NCKAP5: variants seen among roughly 807,000 people sequenced by gnomAD.
NCKAP5 encodes NCK associated protein 5.
Under a neutral mutation model 167.0 loss-of-function variants are expected in NCKAP5, and 92 were observed. That is an observed-to-expected ratio of 0.55 (90% CI 0.47 to 0.66). NCKAP5 has a LOEUF of 0.66. Ranked by LOEUF, NCKAP5 falls within the 30% of genes least tolerant of loss-of-function variation. The pLI is 0.00. For synonymous variants in NCKAP5, 891 were observed against 877.4 expected (o/e 1.02, Z -0.27); for missense variants, 2,378 against 2,315.0 (o/e 1.03, Z -0.56).
intron 2 of NCKAP5, among the ~76,000 whole-genome samples, chr2:133,518,645 C>T (rs574499907): frequency 3.9e-5 from 6 of 152,112 alleles, no homozygotes; most frequent in South Asian, 2.1e-4. Context: ...TGAGCCACCG[C>T]GCCTGGCCCA....
intron 6 of NCKAP5, among the ~76,000 whole-genome samples, chr2:133,028,225 C>A (rs1348307891): frequency 1.3e-5 from 2 of 152,102 alleles, no homozygotes; most frequent in Non-Finnish European, 2.9e-5. Context: ...TAAGATATTT[C>A]AAGTACATGG....
the NCKAP5 span, among the ~76,000 whole-genome samples, chr2:133,624,748 G>A: frequency 2.6e-5 from 4 of 152,098 alleles, no homozygotes; most frequent in Non-Finnish European, 5.9e-5. Context: ...CCTAACAGCC[G>A]CTTTACAGAC....
chr2:133,120,915 T>C (rs2082230335), intron 6 of NCKAP5, among the ~76,000 whole-genome samples: 1 of 152,220 alleles, frequency 6.6e-6, no homozygotes, highest in Admixed American at 6.5e-5. Flanking sequence ...GCTGCATCTT[T>C]CTACTTTAGT....
chr2:133,155,875 G>T (rs555844616), intron 5 of NCKAP5, among the ~76,000 whole-genome samples: 124 of 152,310 alleles, frequency 8.1e-4, no homozygotes, highest in African/African-American at 2.9e-3. Context: ...GCAATCATGT[G>T]AGCCAAAATA....
chr2:132,877,504 CAG>C (rs1691375467), intron 9 of NCKAP5, among the ~76,000 whole-genome samples: 1 of 152,150 alleles, frequency 6.6e-6, no homozygotes, highest in African/African-American at 2.4e-5. Context: ...AGCCCTACCC[CAG>C]AGTCTCTGAT....
At chr2:133,495,114 C>T (rs1413908957) in intron 3 of NCKAP5, among the ~76,000 whole-genome samples, 1 of 152,176 alleles carries the variant, frequency 6.6e-6, no homozygotes, top group East Asian at 1.9e-4. Flanking sequence ...CACCTATGAT[C>T]TAAAAGCCTC....
rs181708950 is a variant in NCKAP5 at position 132,742,614 on chromosome 2, G to T, written c.5129-10563C>A. 2.0e-3 allele frequency among the ~76,000 whole-genome samples: 307 copies of T among 151,926 alleles called. 4 individuals carry two copies. The highest frequency in any genetic ancestry group is 2.4e-4 in the Non-Finnish European group (16 of 67,802). ...GATATTTAATCAAAGTCTTCAGAAA[G>T]ATAAGAATTTAAAGTTCAAAAATGT... On this transcript the variant is annotated intron_variant, in intron 16 of 19. Coordinates refer to ENST00000409261, the MANE Select transcript of NCKAP5 (RefSeq NM_207363.3).
At chr2:133,521,923 G>A (rs1684510721) in intron 2 of NCKAP5, among the ~76,000 whole-genome samples, 1 of 152,104 alleles carries the variant, frequency 6.6e-6, no homozygotes, top group African/African-American at 2.4e-5. Flanking sequence ...GAGTAGTGGG[G>A]CTTATGGTGG....
At chr2:133,545,553 C>T (rs1268394903) in intron 2 of NCKAP5, among the ~76,000 whole-genome samples, 2 of 152,092 alleles carry the variant, frequency 1.3e-5, no homozygotes, top group Admixed American at 1.3e-4. Context: ...GTGGGCTCTG[C>T]CATCCCACAA....
At chr2:133,502,561 T>C (rs1269506623) in intron 3 of NCKAP5, among the ~76,000 whole-genome samples, 1 of 152,196 alleles carries the variant, frequency 6.6e-6, no homozygotes, top group African/African-American at 2.4e-5. Flanking sequence ...TCTTCTACCC[T>C]CTTTCCTCTG....
At chr2:133,600,855 G>A in the NCKAP5 span, among the ~76,000 whole-genome samples, 1 of 152,198 alleles carries the variant, frequency 6.6e-6, no homozygotes, top group African/African-American at 2.4e-5. Context: ...ACTGATTTAG[G>A]CCTCCCTCAC....
At chr2:133,590,244 A>G in the NCKAP5 span, among the ~76,000 whole-genome samples, 7 of 151,936 alleles carry the variant, frequency 4.6e-5, no homozygotes, top group African/African-American at 1.7e-4. Flanking sequence ...TAATTCCAGC[A>G]CTTTGGGAGG....
chr2:133,330,989 C>T (rs750250184), intron 3 of NCKAP5, among the ~76,000 whole-genome samples: 1 of 152,156 alleles, frequency 6.6e-6, no homozygotes, highest in African/African-American at 2.4e-5. Flanking sequence ...CACACACTCC[C>T]ACTGTACCAT....
intron 6 of NCKAP5, among the ~76,000 whole-genome samples, chr2:133,111,975 T>C (rs1217717604): frequency 6.6e-6 from 1 of 151,966 alleles, no homozygotes; most frequent in Admixed American, 6.6e-5. Context: ...TCCAGGTAAA[T>C]TAAAAGAATA....
intron 8 of NCKAP5, among the ~76,000 whole-genome samples, chr2:132,901,037 G>A (rs1235153405): frequency 1.4e-5 from 2 of 147,836 alleles, no homozygotes; most frequent in South Asian, 4.3e-4. Flanking sequence ...ACTCAACCCA[G>A]AGTCTATTTT....
chr2:133,361,311 A>C (rs1681859657), intron 3 of NCKAP5, among the ~76,000 whole-genome samples: 1 of 152,188 alleles, frequency 6.6e-6, no homozygotes, highest in African/African-American at 2.4e-5. Flanking sequence ...CAATTTGGAG[A>C]GGAAGAAGAT....
intron 8 of NCKAP5, among the ~76,000 whole-genome samples, chr2:132,956,181 C>T (rs1430837776): frequency 1.3e-5 from 2 of 152,188 alleles, no homozygotes; most frequent in African/African-American, 4.8e-5. Flanking sequence ...TCAATCATAA[C>T]ATCACTCTGC....
At chr2:132,990,232 A>G (rs2077411300) in intron 7 of NCKAP5, among the ~76,000 whole-genome samples, 2 of 152,292 alleles carry the variant, frequency 1.3e-5, no homozygotes, top group South Asian at 4.1e-4. Context: ...TTCATGACAC[A>G]TTCCTTTGTG....
At chr2:132,951,131 C>T (rs997120262) in intron 8 of NCKAP5, among the ~76,000 whole-genome samples, 7 of 152,172 alleles carry the variant, frequency 4.6e-5, no homozygotes, top group East Asian at 3.9e-4. Context: ...AAACAAACCA[C>T]GGACACGTGT....
Sources: allele counts gnomAD v4.1 joint callset (sites outside exome capture counted in the v4.1 genomes callset), GRCh38; gene constraint gnomAD v4.1.1; transcripts MANE v1.5; gene names NCBI Gene and HGNC (gene_info 2026-07-23, HGNC 2026-07-21).